Variants in SEMA4D observed in about 807,000 individuals in gnomAD.
SEMA4D encodes the protein semaphorin 4D.
In SEMA4D, 22 loss-of-function variants were observed where a neutral mutation model predicts 74.8. The observed-to-expected ratio is 0.29, with a 90% CI of 0.21 to 0.42. SEMA4D has a LOEUF of 0.42. SEMA4D is among the 10% of genes least tolerant of loss of function. The pLI is 1.00. For synonymous variants in SEMA4D, 445 were observed against 463.7 expected (o/e 0.96, Z 0.52); for missense variants, 937 against 1,118.4 (o/e 0.84, Z 2.31).
At position 89,381,600 on chromosome 9, in the gene SEMA4D, T is replaced by C. The variant is rs1837079576; in HGVS notation, c.1447-254A>G. 1.0e-5 allele frequency: 4 copies of C among 390,978 alleles called. No homozygotes were observed. Among genetic ancestry groups the C allele is most frequent in the Non-Finnish European group, 1.8e-5 (4 of 218,572 alleles). 24.2% of individuals were successfully genotyped at this position (390,978 alleles called of 1,614,324 possible). ...TCTCCCCTGTCTGGGCACCCACAGG[T>C]GCCTGCCCTCCAGCAAAGCGCTTCT... On this transcript the variant is annotated intron_variant, in intron 13 of 15. Coordinates refer to ENST00000422704, the MANE Select transcript of SEMA4D (RefSeq NM_001371194.2). The surrounding 1 kb of genome is among the most constrained non-coding windows in gnomAD (Gnocchi z 4.6).
At chr9:89,456,693 G>A (rs1185794087) in intron 1 of SEMA4D, among the ~76,000 whole-genome samples, 3 of 152,160 alleles carry the variant, frequency 2.0e-5, no homozygotes, top group Admixed American at 1.3e-4. Flanking sequence ...CAATTCTGCT[G>A]CCGCTGCCTC....
rs77925244 is a variant in SEMA4D at position 89,471,637 on chromosome 9, G to A, written c.-309-15684C>T. Reference sequence around the variant, plus strand: ...GCCAGCTCAGGTGCATACAGGCTGAGGTGCATGCCAGCTCAGGTGCACACC... The same window carrying A: ...GCCAGCTCAGGTGCATACAGGCTGAAGTGCATGCCAGCTCAGGTGCACACC... On this transcript the variant is annotated intron_variant, in intron 1 of 15. Transcript: ENST00000422704. 2.2e-3 allele frequency among the ~76,000 whole-genome samples: 337 copies of A among 151,964 alleles called. 3 individuals carry two copies. The East Asian group carries it at 0.038, about 17-fold the overall frequency.
chr9:89,385,855 C>T (rs897836702), intron 13 of SEMA4D: 17 of 501,146 alleles, frequency 3.4e-5, no homozygotes, highest in Non-Finnish European at 4.4e-5. Flanking sequence ...CCCCTAAAGG[C>T]CAGCGTGGAT....
intron 1 of SEMA4D, chr9:89,472,429 T>C (rs749869877): frequency 8.8e-5 from 27 of 305,830 alleles, no homozygotes; most frequent in Non-Finnish European, 1.6e-4. Context: ...AAGCCAAATA[T>C]ACAGCCTTAA....
At chr9:89,431,946 T>C (rs117466944) in intron 2 of SEMA4D, among the ~76,000 whole-genome samples, 5,612 of 152,332 alleles carry the variant, frequency 0.037, 156 homozygotes, top group South Asian at 0.12. Flanking sequence ...ATACGAGCTC[T>C]GGTTCATCTA....
intron 1 of SEMA4D, among the ~76,000 whole-genome samples, chr9:89,486,992 A>C (rs1825248089): frequency 6.6e-6 from 1 of 152,166 alleles, no homozygotes; most frequent in Non-Finnish European, 1.5e-5. Flanking sequence ...CAAAAATAGT[A>C]AGAGGAACCA....
At chr9:89,373,554 G>A (rs1835398648), downstream of SEMA4D, among the ~76,000 whole-genome samples, 1 of 152,200 alleles carries the variant, frequency 6.6e-6, no homozygotes, top group Admixed American at 6.5e-5. Context: ...CCAGGACGCA[G>A]CATGGGGAAC....
At position 89,397,425 on chromosome 9, in the gene SEMA4D, C is replaced by G. The variant is rs150947118; in HGVS notation, c.316-590G>C. Among the ~76,000 whole-genome samples the G allele has an allele frequency of 7.2e-5, 11 of 152,328 alleles. No homozygotes were observed. The East Asian group carries it at 1.9e-3, about 27-fold the overall frequency. On this transcript the variant is annotated intron_variant, in intron 5 of 15. Transcript: ENST00000422704. ...AACAGCGACACTAGGTCTACCCAAC[C>G]CAGGGTCCCAGTCCAGCCCCCATGG...
chr9:89,447,098 G>A (rs934716176), intron 2 of SEMA4D, among the ~76,000 whole-genome samples: 19 of 151,780 alleles, frequency 1.3e-4, no homozygotes, highest in Non-Finnish European at 1.9e-4. Flanking sequence ...TCCCTCGCCC[G>A]CTGCCTATCG....
intron 1 of SEMA4D, among the ~76,000 whole-genome samples, chr9:89,470,655 G>C (rs1461143905): frequency 6.6e-6 from 1 of 152,058 alleles, no homozygotes; most frequent in Non-Finnish European, 1.5e-5. Context: ...TCATAGAAAA[G>C]CTCATACACA....
intron 3 of SEMA4D, among the ~76,000 whole-genome samples, chr9:89,404,840 T>C (rs1187762788): frequency 1.8e-3 from 148 of 82,110 alleles, no homozygotes; most frequent in Middle Eastern, 0.019. Flanking sequence ...CATCCCATCC[T>C]CAGCCACCCG....
intron 16 of SEMA4D, chr9:89,367,171 G>A (rs140100207): frequency 6.6e-6 from 1 of 152,610 alleles, no homozygotes; most frequent in African/African-American, 2.4e-5. Context: ...GAATGCATGA[G>A]AGAGAGGGAA....
intron 2 of SEMA4D, among the ~76,000 whole-genome samples, chr9:89,441,835 A>G (rs1851735509): frequency 6.6e-6 from 1 of 152,158 alleles, no homozygotes; most frequent in African/African-American, 2.4e-5. Context: ...CTTCTGATCT[A>G]AGTGAAAGGG....
chr9:89,388,354 G>A (rs1839018455), intron 11 of SEMA4D, among the ~76,000 whole-genome samples: 1 of 152,248 alleles, frequency 6.6e-6, no homozygotes, highest in South Asian at 2.1e-4. Flanking sequence ...GTGTTTCTCT[G>A]TAAGAAACTG....
At chr9:89,374,074 G>A (rs545159384), downstream of SEMA4D, among the ~76,000 whole-genome samples, 92 of 152,320 alleles carry the variant, frequency 6.0e-4, no homozygotes, top group African/African-American at 1.9e-3. Flanking sequence ...CACAGCCTTC[G>A]CAGGCTGTGG....
intron 13 of SEMA4D, chr9:89,385,476 C>T: frequency 1.0e-6 from 1 of 985,388 alleles, no homozygotes; most frequent in Non-Finnish European, 1.2e-6. Flanking sequence ...CTCCAGGGCT[C>T]CCTTTGTGTC....
chr9:89,450,685 A>AAAAAAAAAAAAAAAAAAAAC, intron 2 of SEMA4D: 1 of 988,658 alleles, frequency 1.0e-6, no homozygotes, highest in Non-Finnish European at 1.5e-6. Flanking sequence ...AAAAAAAAAA[A>AAAAAAAAAAAAAAAAAAAAC]AAGGCCTCCA....
At chr9:89,383,480 ACTC>A (rs1837667127) in intron 13 of SEMA4D, among the ~76,000 whole-genome samples, 2 of 151,854 alleles carry the variant, frequency 1.3e-5, no homozygotes, top group Non-Finnish European at 2.9e-5. Context: ...ACACCAGACT[ACTC>A]CTCTCCAGGA....
At chr9:89,370,411 GGT>G (rs1033589281) in intron 16 of SEMA4D, among the ~76,000 whole-genome samples, 5 of 150,918 alleles carry the variant, frequency 3.3e-5, no homozygotes, top group Admixed American at 2.0e-4. Context: ...TGGTGTGTGT[GGT>G]GTGTTTGTGG....
Sources: gnomAD v4.1 joint callset for allele counts (sites outside exome capture counted in the v4.1 genomes callset) on GRCh38, gnomAD v4.1.1 for gene constraint, Gnocchi (gnomAD v3.1) non-coding constraint, MANE v1.5 for transcripts, NCBI Gene and HGNC (gene_info 2026-07-23, HGNC 2026-07-21) for gene names.